LRMDA: variants seen among roughly 807,000 people sequenced by gnomAD.
LRMDA encodes the protein leucine-rich melanocyte differentiation-associated protein.
LRMDA carries 18 observed loss-of-function variants against 29.8 expected under a neutral mutation model. The observed-to-expected ratio is 0.60, with a 90% CI of 0.42 to 0.90. The LOEUF (loss-of-function observed/expected upper bound fraction) is 0.90, where lower values mean the gene tolerates loss of function less well. Ranked by LOEUF, LRMDA falls within the 40% of genes least tolerant of loss-of-function variation. The pLI is 0.00. For missense variants in LRMDA, 273 were observed against 273.9 expected, an observed-to-expected ratio of 1.00 and a Z score of 0.02; for synonymous variants, 125 against 109.4, an observed-to-expected ratio of 1.14 and a Z score of -0.89.
At chr10:76,114,776 C>T (rs866559568) in intron 5 of LRMDA, among the ~76,000 whole-genome samples, 7 of 152,156 alleles carry the variant, frequency 4.6e-5, no homozygotes, top group Admixed American at 3.3e-4. Context: ...ATCTTTGTTT[C>T]CCATAATCGT....
chr10:76,370,465 A>T (rs1021353461), intron 6 of LRMDA, among the ~76,000 whole-genome samples: 1 of 152,126 alleles, frequency 6.6e-6, no homozygotes, highest in Admixed American at 6.6e-5. Flanking sequence ...AGAGAAATGG[A>T]TTCCAGTGTT....
At chr10:76,403,931 C>A (rs954645314) in intron 6 of LRMDA, among the ~76,000 whole-genome samples, 1 of 152,160 alleles carries the variant, frequency 6.6e-6, no homozygotes, top group Non-Finnish European at 1.5e-5. Context: ...AAGCTGGACA[C>A]CCTCAATGGT....
rs532029459 is a variant in LRMDA, at chr10:76,466,374, G to T, written c.602-90835G>T. 2.0e-5 allele frequency among the ~76,000 whole-genome samples: 3 copies of T among 152,248 alleles called. No homozygotes were observed. In the South Asian group the frequency reaches 6.2e-4, roughly 32 times the overall value. ...CTCTCCCCTTTCATCTTCAGATCTT[G>T]CTTTTGTGCCCCTCGTAGGCAGGAC... On this transcript the variant is annotated intron_variant, in intron 6 of 6. Transcript: ENST00000611255.
intron 2 of LRMDA, among the ~76,000 whole-genome samples, chr10:75,614,131 T>TG (rs1841069568): frequency 6.6e-6 from 1 of 152,186 alleles, no homozygotes; most frequent in African/African-American, 2.4e-5. Flanking sequence ...ATCACCCCTT[T>TG]GTCTCTCTCC....
chr10:75,906,903 G>A lies in LRMDA; in HGVS notation c.132-129105G>A, dbSNP rs530264673. ...AGGTTGAACAGGTAATTGAGACACC[G>A]GGGCTAGGTTGCTTTAACATGGTCT... On this transcript the variant is annotated intron_variant, in intron 2 of 6. Transcript: ENST00000611255. Among the ~76,000 whole-genome samples the A allele has an allele frequency of 5.9e-5, 9 of 152,340 alleles. No individual in the cohort carries two copies. In the East Asian group the frequency reaches 9.7e-4, roughly 16 times the overall value.
chr10:75,776,391 C>T (rs1289176109), intron 2 of LRMDA, among the ~76,000 whole-genome samples: 2 of 152,188 alleles, frequency 1.3e-5, no homozygotes, highest in African/African-American at 2.4e-5. Context: ...TTTTCCTGTA[C>T]TATTTGTTGG....
chr10:76,208,378 C>G (rs889239360), intron 5 of LRMDA, among the ~76,000 whole-genome samples: 1 of 152,150 alleles, frequency 6.6e-6, no homozygotes, highest in African/African-American at 2.4e-5. Context: ...TTTAAAGAAA[C>G]CCTAAACTGG....
intron 2 of LRMDA, among the ~76,000 whole-genome samples, chr10:76,000,070 G>T (rs1480321497): frequency 6.6e-6 from 1 of 152,160 alleles, no homozygotes; most frequent in African/African-American, 2.4e-5. Flanking sequence ...TTGTGGGATT[G>T]AAATGGAAAG....
chr10:75,444,554 G>A (rs1459696312), intron 2 of LRMDA, among the ~76,000 whole-genome samples: 3 of 152,144 alleles, frequency 2.0e-5, no homozygotes, highest in Non-Finnish European at 4.4e-5. Flanking sequence ...CATCCACCTT[G>A]GAATGAGGAT....
intron 2 of LRMDA, among the ~76,000 whole-genome samples, chr10:75,692,449 A>G (rs536107265): frequency 6.6e-6 from 1 of 150,858 alleles, no homozygotes; most frequent in East Asian, 2.0e-4. Context: ...ACATATATGT[A>G]TATACAAGTG....
chr10:75,908,124 CT>C (rs1381774069), intron 2 of LRMDA, among the ~76,000 whole-genome samples: 34 of 152,152 alleles, frequency 2.2e-4, no homozygotes, highest in Admixed American at 2.2e-3. Flanking sequence ...TTGTAGGGTC[CT>C]CATACTTTAC....
intron 5 of LRMDA, among the ~76,000 whole-genome samples, chr10:76,171,327 T>C (rs138191330): frequency 6.6e-6 from 1 of 152,178 alleles, no homozygotes; most frequent in African/African-American, 2.4e-5. Flanking sequence ...TTAATAGAGA[T>C]GGGGTTTCAC....
chr10:75,591,485 T>G (rs1032194607), intron 2 of LRMDA, among the ~76,000 whole-genome samples: 2 of 152,148 alleles, frequency 1.3e-5, no homozygotes, highest in Non-Finnish European at 2.9e-5. Flanking sequence ...CTTCCTGAGG[T>G]CTTTTTATTT....
intron 2 of LRMDA, among the ~76,000 whole-genome samples, chr10:75,870,457 C>T (rs1363636230): frequency 6.6e-6 from 1 of 152,146 alleles, no homozygotes; most frequent in Non-Finnish European, 1.5e-5. Context: ...GATGAGGAAA[C>T]CCCATTGCAA....
intron 2 of LRMDA, among the ~76,000 whole-genome samples, chr10:76,016,290 A>G (rs1258845212): frequency 6.6e-6 from 1 of 151,960 alleles, no homozygotes; most frequent in Non-Finnish European, 1.5e-5. Context: ...AGGGTAAAAT[A>G]GTCTAAAAAA....
At chr10:76,426,287 C>T (rs1172031808) in intron 6 of LRMDA, among the ~76,000 whole-genome samples, 4 of 152,116 alleles carry the variant, frequency 2.6e-5, no homozygotes, top group Admixed American at 6.6e-5. Flanking sequence ...TTTTAATGAT[C>T]GCTATTCTAA....
intron 2 of LRMDA, among the ~76,000 whole-genome samples, chr10:75,945,903 T>C (rs1846468381): frequency 6.6e-6 from 1 of 152,160 alleles, no homozygotes; most frequent in African/African-American, 2.4e-5. Context: ...ATGTGACTTC[T>C]CTGAGGCCAT....
At chr10:75,797,244 C>T (rs1919704) in intron 2 of LRMDA, among the ~76,000 whole-genome samples, 58,743 of 151,924 alleles carry the variant, frequency 0.39, 13,383 homozygotes, top group South Asian at 0.52. Flanking sequence ...TGAATTTATT[C>T]GCATAGAATT....
intron 4 of LRMDA, among the ~76,000 whole-genome samples, chr10:76,054,939 A>G (rs1346114293): frequency 6.6e-6 from 1 of 151,378 alleles, no homozygotes; most frequent in Non-Finnish European, 1.5e-5. Context: ...TGGCACACAC[A>G]TGTAGTCCCA....
Sources: gnomAD v4.1 joint callset for allele counts (sites outside exome capture counted in the v4.1 genomes callset) on GRCh38, gnomAD v4.1.1 for gene constraint, MANE v1.5 for transcripts, NCBI Gene and HGNC (gene_info 2026-07-23, HGNC 2026-07-21) for gene names.